RGS3: variants seen among roughly 807,000 people sequenced by gnomAD.
RGS3 encodes regulator of G-protein signalling 3.
A neutral mutation model predicts 132.6 loss-of-function variants in RGS3; 80 were observed. That is an observed-to-expected ratio of 0.60 (90% CI 0.50 to 0.73). The LOEUF is 0.73. RGS3 is among the 30% of genes least tolerant of loss of function. RGS3 has a pLI of 0.00. For synonymous variants in RGS3, 598 were observed against 620.6 expected, an observed-to-expected ratio of 0.96 and a Z score of 0.54; for missense variants, 1,382 against 1,530.8, an observed-to-expected ratio of 0.90 and a Z score of 1.62.
chr9:113,551,848 G>A (rs906851154), intron 19 of RGS3, among the ~76,000 whole-genome samples: 1 of 152,164 alleles, frequency 6.6e-6, no homozygotes, highest in Admixed American at 6.5e-5. Flanking sequence ...AACAGAGTGA[G>A]ACTCTGTCTC....
intron 7 of RGS3, among the ~76,000 whole-genome samples, chr9:113,488,015 G>T (rs1225873916): frequency 6.6e-6 from 1 of 152,216 alleles, no homozygotes; most frequent in African/African-American, 2.4e-5. Context: ...GGGAGATACT[G>T]AAGTGTGTCA....
intron 7 of RGS3, among the ~76,000 whole-genome samples, chr9:113,493,351 A>G (rs1451820866): frequency 1.3e-5 from 2 of 152,184 alleles, no homozygotes; most frequent in Non-Finnish European, 2.9e-5. Context: ...TTGGATGATG[A>G]GAGAGGCAAG....
exon 20 of RGS3, chr9:113,583,975 G>T: frequency 6.2e-7 from 1 of 1,614,102 alleles, no homozygotes; most frequent in Non-Finnish European, 8.5e-7. Flanking sequence ...GCCAGCCTTC[G>T]TGATCCCTGA....
Position 113,541,955 on chromosome 9 carries a change from T to C in RGS3, c.2037+5037T>C, listed in dbSNP as rs545277967. 3.8e-5 allele frequency: 29 copies of C among 761,998 alleles called. No individual in the cohort carries two copies. In the African/African-American group the frequency reaches 5.1e-4, roughly 13 times the overall value. 47.2% of individuals were successfully genotyped at this position (761,998 alleles called of 1,614,324 possible). A position where few individuals can be genotyped will look rare whatever the true frequency, so the allele number is the denominator to read the frequency against. On this transcript the variant is annotated intron_variant, in intron 19 of 24. Transcript: ENST00000350696. ...ACTGTGGAGAAAAAGTCGGATATGG[T>C]CTCGCTCTCATCAAGATTTCAGTCT...
chr9:113,565,804 G>A lies in RGS3; in HGVS notation c.2038-17646G>A. Reference sequence around the variant, plus strand: ...GCCACCCTGTGCCCCTGTTTCTATTGTTTCTTCCCCAGGGCAGCCATTGAT... The same window carrying A: ...GCCACCCTGTGCCCCTGTTTCTATTATTTCTTCCCCAGGGCAGCCATTGAT... On this transcript the variant is annotated intron_variant, in intron 19 of 24. Coordinates refer to ENST00000350696, the Ensembl canonical transcript of RGS3. This position sits in a 1 kb window ranked among gnomAD's most constrained non-coding sequence, Gnocchi z 5.7. The A allele has an allele frequency of 5.2e-6, 1 of 193,568 alleles. No individual in the cohort carries two copies. The highest frequency in any genetic ancestry group is 8.8e-5 in the South Asian group (1 of 11,412). 12.0% of individuals were successfully genotyped at this position (193,568 alleles called of 1,614,324 possible).
intron 4 of RGS3, 76 bp downstream of exon 2, chr9:113,479,617 G>A (rs1024452207): frequency 1.2e-5 from 16 of 1,368,816 alleles, no homozygotes; most frequent in Non-Finnish European, 1.7e-5. Context: ...GGGGTTGGGG[G>A]ATGGTGGCAC....
chr9:113,487,216 A>C (rs1240419639), intron 7 of RGS3, among the ~76,000 whole-genome samples: 2 of 143,276 alleles, frequency 1.4e-5, no homozygotes, highest in Non-Finnish European at 3.0e-5. Flanking sequence ...GGTTCACGCC[A>C]TTCTCCTGCC....
chr9:113,515,545 C>T (rs752443730), intron 15 of RGS3, among the ~76,000 whole-genome samples: 3 of 151,972 alleles, frequency 2.0e-5, no homozygotes, highest in African/African-American at 4.8e-5. Flanking sequence ...GCAGGAGAAT[C>T]GCTTGAACCT....
chr9:113,585,567 A>T (rs1301948484), intron 20 of RGS3, among the ~76,000 whole-genome samples: 1 of 152,264 alleles, frequency 6.6e-6, no homozygotes. Flanking sequence ...GCCTAAAGCC[A>T]TCAGGGAAAG....
intron 19 of RGS3, among the ~76,000 whole-genome samples, chr9:113,571,926 A>G (rs546237038): frequency 8.5e-5 from 13 of 152,222 alleles, no homozygotes; most frequent in Non-Finnish European, 1.8e-4. Context: ...ATAAATATTC[A>G]ATGTATTCAA....
At chr9:113,447,329 GTATATATATATATATA>G (rs60991619) in intron 1 of RGS3, among the ~76,000 whole-genome samples, 2,422 of 27,600 alleles carry the variant, frequency 0.088, 370 homozygotes, top group Middle Eastern at 0.35. Context: ...GTATGTATAT[GTATATATATATATATA>G]TATATATATA....
chr9:113,482,237 T>G (rs927841081), intron 4 of RGS3, among the ~76,000 whole-genome samples: 1 of 152,122 alleles, frequency 6.6e-6, no homozygotes, highest in Admixed American at 6.6e-5. Context: ...CTTTATTTAT[T>G]ATTATTTTTC....
intron 7 of RGS3, among the ~76,000 whole-genome samples, chr9:113,489,077 A>G (rs1036765916): frequency 2.6e-5 from 4 of 152,212 alleles, no homozygotes; most frequent in African/African-American, 9.7e-5. Flanking sequence ...TATCCTCATC[A>G]TGATCCTAAG....
At chr9:113,452,135 A>C (rs1829259949) in intron 1 of RGS3, among the ~76,000 whole-genome samples, 1 of 152,064 alleles carries the variant, frequency 6.6e-6, no homozygotes, top group Non-Finnish European at 1.5e-5. Context: ...AGTAGCTAGG[A>C]CTACAGGCAT....
rs530167847 is a variant in RGS3 at position 113,478,544 on chromosome 9, C to T, written c.416-947C>T. 7.9e-5 allele frequency among the ~76,000 whole-genome samples: 12 copies of T among 152,264 alleles called. 1 individual carries two copies. Among genetic ancestry groups the T allele is most frequent in the African/African-American group, 2.6e-4 (11 of 41,556 alleles). ...CTCGTCTTTGTGGGGCGTGGTGGCT[C>T]ATACCTGTAATCCCAGAACTTTGGG... On this transcript the variant is annotated intron_variant, in intron 3 of 24. Coordinates refer to ENST00000350696, the Ensembl canonical transcript of RGS3.
rs558577823 is a variant in RGS3, at chr9:113,507,491, C to T, written c.1290C>T (p.Ser430=). 1.9e-6 allele frequency: 3 copies of T among 1,612,312 alleles called. No homozygotes were observed. The highest frequency in any genetic ancestry group is 1.3e-5 in the African/African-American group (1 of 75,052). The change falls in exon 13 of 25, where the codon AGC becomes AGT. Residue 430 remains serine, a synonymous_variant. Transcript: ENST00000350696. This position sits in a 1 kb window ranked among gnomAD's most constrained non-coding sequence, Gnocchi z 5.0. ...ACAGCTGCCACCTGGTATGTGACAG[C>T]TCTGATGGGCTGCTGCTCGGCGGCT...
chr9:113,541,732 G>A lies in RGS3; in HGVS notation c.2037+4814G>A, dbSNP rs1418823212. The A allele has an allele frequency of 7.6e-6, 8 of 1,046,632 alleles. No homozygotes were observed. In the Admixed American group the frequency reaches 2.8e-4, roughly 37 times the overall value. The allele number at this position is 1,046,632 out of a possible 1,614,324, so 64.8% of individuals were successfully genotyped here. ...TTCCACATCTGGGCTTCCAGTGGTG[G>A]CTCCCGGACCTGCCTTGGGGGCAGC... On this transcript the variant is annotated intron_variant, in intron 19 of 24. Coordinates refer to ENST00000350696, the Ensembl canonical transcript of RGS3.
intron 7 of RGS3, among the ~76,000 whole-genome samples, chr9:113,492,950 C>T (rs138527000): frequency 1.3e-5 from 2 of 152,254 alleles, no homozygotes; most frequent in East Asian, 1.9e-4. Context: ...ATGAAGATTT[C>T]GCTTAGTGAA....
At chr9:113,462,029 C>A in exon 3 of RGS3, 2 of 1,613,446 alleles carry the variant, frequency 1.2e-6, no homozygotes, top group Non-Finnish European at 1.7e-6. Flanking sequence ...AGGTCTGCCA[C>A]GTCTCTGTGC....
Sources: gnomAD v4.1 joint callset for allele counts (sites outside exome capture counted in the v4.1 genomes callset) on GRCh38, gnomAD v4.1.1 for gene constraint, Gnocchi (gnomAD v3.1) non-coding constraint, MANE v1.5 for transcripts, NCBI Gene and HGNC (gene_info 2026-07-23, HGNC 2026-07-21) for gene names.